Variants in CNTN4 observed in about 807,000 individuals in gnomAD.
CNTN4 encodes contactin 4, also known as contactin-4.
CNTN4 carries 77 observed loss-of-function variants against 122.5 expected under a neutral mutation model. The ratio of observed to expected loss-of-function variants is 0.63; its 90% CI spans 0.52 to 0.76. The LOEUF is 0.76. Among genes scored for constraint, CNTN4 ranks in the 30% least tolerant of loss-of-function variants. The pLI is 0.00. For missense variants in CNTN4, 1,256 were observed against 1,259.1 expected, an observed-to-expected ratio of 1.00 and a Z score of 0.04; for synonymous variants, 512 against 447.0, an observed-to-expected ratio of 1.15 and a Z score of -1.83.
Position 2,887,197 on chromosome 3 carries a change from G to A in CNTN4, c.913G>A (p.Val305Ile), listed in dbSNP as rs2093988670. Residue 305 changes from valine (V) to isoleucine (I), a missense_variant, in exon 10 of 25, where the codon GTA (valine) becomes ATA (isoleucine). Transcript: ENST00000418658. ...AGCTGAAAATTCCAGAGGGAAAAAT[G>A]TAGCAAGGGGACAGCTAACTTTCTA... ...CVAENSRGKN[V>I]ARGQLTFYAQ... 1 of 1,613,748 alleles carries A rather than the reference G, an allele frequency of 6.2e-7. No individual in the cohort carries two copies. Among genetic ancestry groups the A allele is most frequent in the Non-Finnish European group, 8.5e-7 (1 of 1,179,998 alleles).
intron 7 of CNTN4, among the ~76,000 whole-genome samples, chr3:2,856,052 A>G (rs560380238): frequency 6.6e-6 from 1 of 152,234 alleles, no homozygotes; most frequent in Admixed American, 6.5e-5. Flanking sequence ...CTCAACTAAC[A>G]CTTTGGGCCT....
At chr3:2,381,538 C>G (rs924549135) in intron 3 of CNTN4, among the ~76,000 whole-genome samples, 3 of 152,108 alleles carry the variant, frequency 2.0e-5, no homozygotes, top group Non-Finnish European at 2.9e-5. Flanking sequence ...ATTAATAAAT[C>G]TGAAGTCAAA....
intron 10 of CNTN4, among the ~76,000 whole-genome samples, chr3:2,899,880 G>A (rs1007427526): frequency 6.6e-6 from 1 of 152,144 alleles, no homozygotes; most frequent in Non-Finnish European, 1.5e-5. Flanking sequence ...AATGATGATA[G>A]TCTTAAAGGA....
At chr3:2,586,034 A>C (rs1278963380) in intron 4 of CNTN4, among the ~76,000 whole-genome samples, 2 of 152,184 alleles carry the variant, frequency 1.3e-5, no homozygotes, top group African/African-American at 4.8e-5. Context: ...AATGCTTCAA[A>C]TACATTATAT....
At chr3:2,665,977 T>C (rs2084136624) in intron 4 of CNTN4, among the ~76,000 whole-genome samples, 1 of 152,194 alleles carries the variant, frequency 6.6e-6, no homozygotes, top group Non-Finnish European at 1.5e-5. Flanking sequence ...TCGATTTAGA[T>C]AGACACATTT....
At chr3:2,965,434 G>A (rs1692210078) in intron 13 of CNTN4, among the ~76,000 whole-genome samples, 1 of 152,188 alleles carries the variant, frequency 6.6e-6, no homozygotes, top group Non-Finnish European at 1.5e-5. Context: ...GCCGTATGTG[G>A]GTATTGAGCA....
chr3:2,178,904 G>T (rs530332552), intron 2 of CNTN4, among the ~76,000 whole-genome samples: 1 of 151,962 alleles, frequency 6.6e-6, no homozygotes, highest in East Asian at 1.9e-4. Context: ...AATGAAATAC[G>T]ACCAAAAAAT....
At chr3:2,523,472 C>T (rs2149170470) in intron 3 of CNTN4, among the ~76,000 whole-genome samples, 1 of 151,796 alleles carries the variant, frequency 6.6e-6, no homozygotes, top group Admixed American at 6.6e-5. Flanking sequence ...ACATTCAATG[C>T]TGTAACTTAA....
At chr3:2,993,042 C>A (rs1443927188) in intron 14 of CNTN4, among the ~76,000 whole-genome samples, 1 of 152,144 alleles carries the variant, frequency 6.6e-6, no homozygotes, top group African/African-American at 2.4e-5. Flanking sequence ...AGGGGTTTCA[C>A]ACTATGCTCT....
intron 13 of CNTN4, among the ~76,000 whole-genome samples, chr3:2,977,927 C>T (rs1056686739): frequency 5.3e-5 from 8 of 152,136 alleles, no homozygotes; most frequent in Admixed American, 5.2e-4. Context: ...TAAAGAGACA[C>T]ACATCCGCAC....
At chr3:2,507,536 C>G (rs540434872) in intron 3 of CNTN4, among the ~76,000 whole-genome samples, 120 of 151,788 alleles carry the variant, frequency 7.9e-4, no homozygotes, top group African/African-American at 2.8e-3. Flanking sequence ...GAGTTCAAGA[C>G]CAACCTGGCC....
At position 2,773,660 on chromosome 3, in the gene CNTN4, A is replaced by G. The variant is rs1204748204; in HGVS notation, c.358+27963A>G. Among the ~76,000 whole-genome samples, 7 of 152,182 alleles carry G rather than the reference A, an allele frequency of 4.6e-5. No homozygotes were observed. The East Asian group carries it at 1.4e-3, about 29-fold the overall frequency. On this transcript the variant is annotated intron_variant, in intron 6 of 24. Transcript: ENST00000418658. The stretch of plus-strand genomic sequence containing the variant: ...CAGATTTCCTTGTCTATGGATGGCA[A>G]CTATGTCACCTTTTCTAAACACCCT...
At chr3:2,925,526 C>A (rs2094465696) in intron 12 of CNTN4, 103 bp from the exon 13 acceptor site, 2 of 1,307,808 alleles carry the variant, frequency 1.5e-6, no homozygotes, top group African/African-American at 2.9e-5. Context: ...GCACTGGCAA[C>A]AGAGCAAGAC....
At chr3:2,437,934 A>G (rs2048311839) in intron 3 of CNTN4, among the ~76,000 whole-genome samples, 2 of 152,194 alleles carry the variant, frequency 1.3e-5, no homozygotes, top group African/African-American at 4.8e-5. Flanking sequence ...GGGTCTTTGC[A>G]GTCTTTGATG....
intron 13 of CNTN4, among the ~76,000 whole-genome samples, chr3:2,933,035 G>C (rs891941228): frequency 1.2e-4 from 19 of 152,010 alleles, no homozygotes; most frequent in Admixed American, 6.5e-4. Context: ...TGTTAGCCAG[G>C]ATGGTCTCGA....
chr3:2,201,239 C>G (rs11717910), intron 2 of CNTN4, among the ~76,000 whole-genome samples: 1 of 152,088 alleles, frequency 6.6e-6, no homozygotes, highest in Admixed American at 6.6e-5. Flanking sequence ...GTAACTCTTA[C>G]CTGTAATTAG....
At chr3:2,797,529 C>T (rs1202505334) in intron 6 of CNTN4, among the ~76,000 whole-genome samples, 4 of 152,062 alleles carry the variant, frequency 2.6e-5, no homozygotes, top group East Asian at 1.9e-4. Flanking sequence ...ACCTGGGAGG[C>T]GGAAGTTGCA....
intron 3 of CNTN4, among the ~76,000 whole-genome samples, chr3:2,467,193 C>T (rs1575695801): frequency 6.6e-6 from 1 of 150,852 alleles, no homozygotes; most frequent in East Asian, 1.9e-4. Flanking sequence ...CCAAAATACC[C>T]AAGGGTATGA....
At chr3:2,673,607 C>G (rs537214254) in intron 4 of CNTN4, among the ~76,000 whole-genome samples, 1 of 152,234 alleles carries the variant, frequency 6.6e-6, no homozygotes, top group East Asian at 1.9e-4. Flanking sequence ...GTGGCGTGAT[C>G]TCGGCTCACT....
Sources: allele counts gnomAD v4.1 joint callset (sites outside exome capture counted in the v4.1 genomes callset), GRCh38; gene constraint gnomAD v4.1.1; transcripts MANE v1.5; gene names NCBI Gene and HGNC (gene_info 2026-07-23, HGNC 2026-07-21).